RALGAPA1: variants seen among roughly 807,000 people sequenced by gnomAD.
RALGAPA1 encodes Ral GTPase activating protein catalytic subunit alpha 1, also known as ral GTPase-activating protein subunit alpha-1.
In RALGAPA1, 52 loss-of-function variants were observed where a neutral mutation model predicts 269.6. The observed-to-expected ratio is 0.19, with a 90% CI of 0.15 to 0.24. The LOEUF (loss-of-function observed/expected upper bound fraction) is 0.24, where lower values mean the gene tolerates loss of function less well. Ranked by LOEUF, RALGAPA1 falls within the 10% of genes least tolerant of loss-of-function variation. The pLI is 1.00. For missense variants in RALGAPA1, 1,917 were observed against 3,013.9 expected, an observed-to-expected ratio of 0.64 and a Z score of 8.52; for synonymous variants, 817 against 1,008.3, an observed-to-expected ratio of 0.81 and a Z score of 3.60.
intron 31 of RALGAPA1, among the ~76,000 whole-genome samples, chr14:35,640,586 A>C (rs1053634683): frequency 1.3e-5 from 2 of 152,172 alleles, no homozygotes; most frequent in Non-Finnish European, 2.9e-5. Flanking sequence ...AACAAGAATA[A>C]AGCTGTAATA....
intron 41 of RALGAPA1, among the ~76,000 whole-genome samples, chr14:35,540,547 C>T (rs2053874444): frequency 6.6e-6 from 1 of 152,116 alleles, no homozygotes; most frequent in Non-Finnish European, 1.5e-5. Flanking sequence ...AATTATCATT[C>T]TCTAATATGC....
intron 17 of RALGAPA1, among the ~76,000 whole-genome samples, chr14:35,691,089 A>T (rs10136860): frequency 0.15 from 22,271 of 147,466 alleles, 2,742 homozygotes; most frequent in East Asian, 0.37. Flanking sequence ...TAATAATAAT[A>T]ATTATTATTA....
chr14:35,755,382 A>G (rs2073081292), intron 7 of RALGAPA1, among the ~76,000 whole-genome samples: 1 of 152,036 alleles, frequency 6.6e-6, no homozygotes, highest in Non-Finnish European at 1.5e-5. Flanking sequence ...GCAAACAAAG[A>G]TCCAAGAAAA....
At chr14:35,745,989 G>C (rs2072056624) in intron 10 of RALGAPA1, among the ~76,000 whole-genome samples, 1 of 151,848 alleles carries the variant, frequency 6.6e-6, no homozygotes, top group Admixed American at 6.6e-5. Flanking sequence ...TACTCAGGAG[G>C]CTGAGGCATA....
At position 35,728,429 on chromosome 14, in the gene RALGAPA1, T is replaced by C; in HGVS notation, c.1669A>G (p.Met557Val). ...TAAATGTTAAGAATGCGTTTACACA[T>C]ATCTGTGTGTTCATCCAGAAGATTT... Reference protein sequence around the residue: ...IKNLLDEHTDMCKRILNIYRY... With the variant: ...IKNLLDEHTDVCKRILNIYRY... Residue 557 changes from methionine (M) to valine (V), a missense_variant, in exon 13 of 42, where the codon ATG becomes GTG. This residue lies in a region of RALGAPA1 where 462 missense variants were observed against 725.6 expected (regional missense o/e 0.64). Transcript: ENST00000680220. 6.2e-7 allele frequency: 1 copy of C among 1,608,776 alleles called. No homozygotes were observed. Among genetic ancestry groups the C allele is most frequent in the Non-Finnish European group, 8.5e-7 (1 of 1,178,200 alleles).
chr14:35,549,180 T>A lies in RALGAPA1; in HGVS notation c.7551A>T (p.Pro2517=). 6.2e-7 allele frequency: 1 copy of A among 1,612,990 alleles called. No individual in the cohort carries two copies. Among genetic ancestry groups the A allele is most frequent in the Non-Finnish European group, 8.5e-7 (1 of 1,179,434 alleles). ...GTGCTGCAAAATCTTCAAATGTTGTTGGTTCTAAGTGGTGCTGGACAATTG... is the reference window on the plus strand; with the variant it reads ...GTGCTGCAAAATCTTCAAATGTTGTAGGTTCTAAGTGGTGCTGGACAATTG... ...LQTIVQHHLE[P]TTFEDFAAQV... is the part of the protein sequence containing the mutation. Residue 2517 remains proline, a synonymous_variant, in exon 40 of 42, where the codon CCA becomes CCT. Transcript: ENST00000680220.
At chr14:35,752,387 T>C (rs1306606505) in intron 7 of RALGAPA1, among the ~76,000 whole-genome samples, 4 of 152,190 alleles carry the variant, frequency 2.6e-5, no homozygotes, top group Non-Finnish European at 5.9e-5. Flanking sequence ...CAAAAGACTA[T>C]GAAAATTACA....
rs2140163953 is a variant in RALGAPA1 at position 35,664,734 on chromosome 14, A to T, written c.5236T>A (p.Ser1746Thr). 6.2e-7 allele frequency: 1 copy of T among 1,612,692 alleles called. No homozygotes were observed. Among genetic ancestry groups the T allele is most frequent in the Non-Finnish European group, 8.5e-7 (1 of 1,179,570 alleles). ...TATAAGTTGGGAAAGCAAACCAAAGATCCCAGAAGAACTTGTGCTTCTACT... is the reference window on the plus strand; with the variant it reads ...TATAAGTTGGGAAAGCAAACCAAAGTTCCCAGAAGAACTTGTGCTTCTACT... The part of the protein sequence containing the change: ...PRVEAQVLLG[S>T]LVCFPNLYCE... The change falls in exon 27 of 42, where the codon TCT (serine) becomes ACT (threonine). Residue 1746 changes from serine (S) to threonine (T), a missense_variant. This residue lies in a region of RALGAPA1 where 346 missense variants were observed against 566.1 expected (regional missense o/e 0.61). Coordinates refer to ENST00000680220, the MANE Select transcript of RALGAPA1 (RefSeq NM_001346249.2).
At chr14:35,802,734 T>A (rs2077069263) in intron 1 of RALGAPA1, among the ~76,000 whole-genome samples, 1 of 149,476 alleles carries the variant, frequency 6.7e-6, no homozygotes, top group Admixed American at 6.7e-5. Context: ...CAGGCTGGAG[T>A]GCAGTGGTGC....
chr14:35,754,239 T>A (rs570468845), intron 7 of RALGAPA1, among the ~76,000 whole-genome samples: 3 of 152,140 alleles, frequency 2.0e-5, no homozygotes, highest in Non-Finnish European at 4.4e-5. Context: ...AAAAGTGGTA[T>A]AGTGGACTTC....
chr14:35,618,364 A>G (rs1452213679), intron 35 of RALGAPA1, among the ~76,000 whole-genome samples: 1 of 152,160 alleles, frequency 6.6e-6, no homozygotes, highest in African/African-American at 2.4e-5. Context: ...TTAGTTAAAA[A>G]ATCAAAACTA....
At chr14:35,660,106 T>C (rs2063441283) in intron 27 of RALGAPA1, among the ~76,000 whole-genome samples, 1 of 151,960 alleles carries the variant, frequency 6.6e-6, no homozygotes, top group South Asian at 2.1e-4. Context: ...ACTTTAAGAT[T>C]AGGAACAAGA....
At chr14:35,685,245 T>C in intron 19 of RALGAPA1, 100 bp from the exon 20 acceptor site, 1 of 1,069,430 alleles carries the variant, frequency 9.4e-7, no homozygotes, top group Non-Finnish European at 1.3e-6. Context: ...AATGCTGAGA[T>C]TTAGAGGCTG....
intron 39 of RALGAPA1, among the ~76,000 whole-genome samples, chr14:35,566,503 T>C (rs1390528364): frequency 3.9e-5 from 6 of 152,128 alleles, no homozygotes; most frequent in Admixed American, 3.9e-4. Flanking sequence ...AAGCTTATTA[T>C]TTTTTATCCC....
chr14:35,745,983 C>T (rs767438309), intron 10 of RALGAPA1, among the ~76,000 whole-genome samples: 12 of 151,704 alleles, frequency 7.9e-5, no homozygotes, highest in Non-Finnish European at 1.8e-4. Context: ...CCCAGCTACT[C>T]AGGAGGCTGA....
At chr14:35,658,625 T>C (rs1469173672) in intron 28 of RALGAPA1, among the ~76,000 whole-genome samples, 7 of 152,000 alleles carry the variant, frequency 4.6e-5, no homozygotes, top group African/African-American at 7.2e-5. Flanking sequence ...ACAGAGAAAA[T>C]GTCAGCTTTT....
At chr14:35,638,848 C>T (rs1184340488) in intron 31 of RALGAPA1, among the ~76,000 whole-genome samples, 1 of 152,052 alleles carries the variant, frequency 6.6e-6, no homozygotes, top group African/African-American at 2.4e-5. Flanking sequence ...ATCGTTTGAA[C>T]CCAGGAGGTA....
intron 2 of RALGAPA1, among the ~76,000 whole-genome samples, 171 bp downstream of exon 2, chr14:35,775,464 T>C (rs1223086289): frequency 2.0e-5 from 3 of 152,176 alleles, no homozygotes; most frequent in African/African-American, 7.2e-5. Flanking sequence ...TACTAACCCA[T>C]CAGTTGTCTT....
At chr14:35,650,975 A>G (rs1280327336) in intron 31 of RALGAPA1, among the ~76,000 whole-genome samples, 1 of 147,906 alleles carries the variant, frequency 6.8e-6, no homozygotes, top group African/African-American at 2.6e-5. Flanking sequence ...TTTAAACTAA[A>G]TTTAGTGTCA....
Sources: gnomAD v4.1 joint callset for allele counts (sites outside exome capture counted in the v4.1 genomes callset) on GRCh38, gnomAD v4.1.1 for gene constraint, gnomAD v4.1.1 regional missense constraint, MANE v1.5 for transcripts, NCBI Gene and HGNC (gene_info 2026-07-23, HGNC 2026-07-21) for gene names.